The following PLEKHD1 variants were observed in gnomAD, a reference collection of about 807,000 sequenced individuals.
PLEKHD1 encodes pleckstrin homology domain-containing family D member 1.
Under a neutral mutation model 69.2 loss-of-function variants are expected in PLEKHD1, and 51 were observed. That is an observed-to-expected ratio of 0.74 (90% CI 0.59 to 0.93). The LOEUF (loss-of-function observed/expected upper bound fraction) is 0.93. Among genes scored for constraint, PLEKHD1 ranks in the 40% least tolerant of loss-of-function variants. The probability of loss-of-function intolerance (pLI) is 0.00; values close to 1 mark genes in which losing one functional copy is unlikely to be tolerated. For synonymous variants in PLEKHD1, 236 were observed against 244.7 expected, an observed-to-expected ratio of 0.96 and a Z score of 0.33; for missense variants, 584 against 641.0, an observed-to-expected ratio of 0.91 and a Z score of 0.96.
Position 69,524,152 on chromosome 14 carries a change from G to A in PLEKHD1, c.651-77G>A, listed in dbSNP as rs1230471955. 3.3e-6 allele frequency: 4 copies of A among 1,212,574 alleles called. No homozygotes were observed. In the African/African-American group the frequency reaches 4.5e-5, roughly 14 times the overall value. 75.1% of individuals were successfully genotyped at this position (1,212,574 alleles called of 1,614,324 possible). A position where few individuals can be genotyped will look rare whatever the true frequency, so the allele number is the denominator to read the frequency against. On this transcript the variant is annotated intron_variant, in intron 7 of 12. Transcript: ENST00000322564. ...AGCCCCATCAGGAAGTGAAGCAAAA[G>A]CATTTCTAAGTGCAGAGGTGATTGG...
rs1321540392 is a variant in PLEKHD1 at position 69,501,758 on chromosome 14, A to G, written c.435A>G (p.Gly145=). 1 of 1,551,396 alleles carries G rather than the reference A, an allele frequency of 6.4e-7. No individual in the cohort carries two copies. Among genetic ancestry groups the G allele is most frequent in the Non-Finnish European group, 8.7e-7 (1 of 1,146,884 alleles). The change falls in exon 5 of 13, where the codon GGA becomes GGG. Residue 145 remains glycine (G), a synonymous_variant. Coordinates refer to ENST00000322564, the MANE Select transcript of PLEKHD1 (RefSeq NM_001161498.2). ...GKVTWKNAQL[G]EAMIKSLEAQ... ...GGACCTGGAAGAATGCCCAGCTGGG[A>G]GAAGCCATGATCAAAAGCCTGGAGG...
At chr14:69,467,916 A>T in the PLEKHD1 span, among the ~76,000 whole-genome samples, 2 of 152,242 alleles carry the variant, frequency 1.3e-5, no homozygotes, top group Non-Finnish European at 2.9e-5. Context: ...TCATTTCTGA[A>T]CAGGAGTTAC....
intron 11 of PLEKHD1, 71 bp from the exon 12 acceptor site, chr14:69,527,712 T>C: frequency 6.6e-7 from 1 of 1,512,566 alleles, no homozygotes; most frequent in Non-Finnish European, 9.0e-7. Context: ...CCAGGATCCT[T>C]GGGAAGGGAG....
At chr14:69,504,733 T>G (rs1883113391) in intron 6 of PLEKHD1, among the ~76,000 whole-genome samples, 1 of 152,094 alleles carries the variant, frequency 6.6e-6, no homozygotes, top group African/African-American at 2.4e-5. Flanking sequence ...AGAATGGGGA[T>G]TTGTATTTGG....
In PLEKHD1 at chr14:69,484,741, G is replaced by A. The variant is rs1004427210; in HGVS notation, c.-225G>A. ...CACCCTCCCCGCGGAGTTCCCGCCC[G>A]GCCCTCTGCAATCCGGAGCCCAAGC... On this transcript the variant is annotated 5_prime_UTR_variant, in exon 1 of 13. Coordinates refer to ENST00000322564, the MANE Select transcript of PLEKHD1 (RefSeq NM_001161498.2). The A allele has an allele frequency of 8.3e-5, 41 of 493,196 alleles. No homozygotes were observed. The highest frequency in any genetic ancestry group is 1.3e-4 in the Non-Finnish European group (37 of 281,098). 30.6% of individuals were successfully genotyped at this position (493,196 alleles called of 1,614,324 possible).
chr14:69,503,109 G>C (rs552063513), intron 6 of PLEKHD1: 1 of 543,216 alleles, frequency 1.8e-6, no homozygotes, highest in Admixed American at 3.1e-5. Context: ...AAAAGGGTGG[G>C]TGATGACCTT....
intron 6 of PLEKHD1, among the ~76,000 whole-genome samples, chr14:69,503,955 G>A (rs1419790294): frequency 1.3e-5 from 2 of 151,982 alleles, no homozygotes; most frequent in Non-Finnish European, 2.9e-5. Flanking sequence ...GGCAGGGGGC[G>A]GTAGTGGGTA....
rs1882623918 is a variant in PLEKHD1, at chr14:69,485,070, G to A, written c.105G>A (p.Leu35=). 2.6e-6 allele frequency: 4 copies of A among 1,551,318 alleles called. No individual in the cohort carries two copies. The highest frequency in any genetic ancestry group is 3.5e-6 in the Non-Finnish European group (4 of 1,146,874). The change falls in exon 1 of 13, where the codon CTG becomes CTA. Residue 35 remains leucine, a synonymous_variant. Transcript: ENST00000322564. Reference sequence around the variant, plus strand: ...CCAAAGTGCAGCTCTACGGCGTGCTGTGGAAGAGGCCTTTCGGCAGGCCGT... The same window carrying A: ...CCAAAGTGCAGCTCTACGGCGTGCTATGGAAGAGGCCTTTCGGCAGGCCGT... ...ISTKVQLYGV[L]WKRPFGRPSA... is the part of the protein sequence containing the mutation.
At chr14:69,502,737 C>G (rs1883057975) in intron 5 of PLEKHD1, 90 bp from the exon 6 acceptor site, 1 of 1,509,190 alleles carries the variant, frequency 6.6e-7, no homozygotes. Flanking sequence ...CTGGGGGTGA[C>G]AGCGACCACC....
chr14:69,493,577 G>T (rs1407555829), intron 1 of PLEKHD1, among the ~76,000 whole-genome samples: 1 of 152,204 alleles, frequency 6.6e-6, no homozygotes, highest in Non-Finnish European at 1.5e-5. Flanking sequence ...GTTGTTATGA[G>T]AAATTTAAAT....
At chr14:69,471,023 C>T in the PLEKHD1 span, among the ~76,000 whole-genome samples, 17 of 150,122 alleles carry the variant, frequency 1.1e-4, no homozygotes, top group South Asian at 1.5e-3. Flanking sequence ...GATCTCCTGA[C>T]CTTGTGATCT....
At chr14:69,526,553 G>A in intron 9 of PLEKHD1, 144 bp from the exon 10 acceptor site, 1 of 950,474 alleles carries the variant, frequency 1.1e-6, no homozygotes, top group Non-Finnish European at 1.5e-6. Flanking sequence ...CATCCCCTGG[G>A]TGCCTGGACC....
the PLEKHD1 span, among the ~76,000 whole-genome samples, chr14:69,474,541 A>G: frequency 6.6e-6 from 1 of 152,190 alleles, no homozygotes; most frequent in African/African-American, 2.4e-5. Flanking sequence ...GGTCAAACCA[A>G]CGTATAGCCT....
intron 8 of PLEKHD1, 117 bp from the exon 9 acceptor site, chr14:69,525,827 G>T: frequency 1.1e-6 from 1 of 942,066 alleles, no homozygotes; most frequent in Non-Finnish European, 1.6e-6. Context: ...ACATTTCAGC[G>T]GCCATAGAGG....
chr14:69,489,951 C>T (rs1882739540), intron 1 of PLEKHD1, among the ~76,000 whole-genome samples: 1 of 152,220 alleles, frequency 6.6e-6, no homozygotes, highest in African/African-American at 2.4e-5. Context: ...ACTGCAACCT[C>T]TGCCTCCCAG....
rs534313880 is a variant in PLEKHD1 at position 69,518,120 on chromosome 14, C to T, written c.556-4163C>T. Among the ~76,000 whole-genome samples the T allele has an allele frequency of 2.4e-3, 360 of 152,194 alleles. 1 individual carries two copies. The highest frequency in any genetic ancestry group is 8.3e-3 in the African/African-American group (345 of 41,516). ...GATCTCGGCTCACTGCAACCTCTGT[C>T]CCCCAGACTCAAGGGATCCTCCTGC... is the stretch of plus-strand genomic sequence containing the variant. On this transcript the variant is annotated intron_variant, in intron 6 of 12. Transcript: ENST00000322564.
At chr14:69,506,049 G>A (rs1008757596) in intron 6 of PLEKHD1, among the ~76,000 whole-genome samples, 3 of 152,220 alleles carry the variant, frequency 2.0e-5, no homozygotes, top group African/African-American at 7.2e-5. Flanking sequence ...GCCACCTGGA[G>A]TGCTCACAGT....
chr14:69,502,614 C>T, intron 5 of PLEKHD1: 1 of 592,486 alleles, frequency 1.7e-6, no homozygotes, highest in African/African-American at 1.9e-5. Flanking sequence ...CCTCATAACC[C>T]TAGGAAAAGA....
Position 69,528,406 on chromosome 14 carries a change from G to T in PLEKHD1, c.1508G>T (p.Arg503Leu). ...TQPGAPSALSRGGK is the reference protein window; with the variant it reads ...TQPGAPSALSLGGK Reference sequence around the variant, plus strand: ...CCTGGAGCCCCCTCGGCACTCTCCCGGGGTGGAAAGTGATGGGCGCTCCTC... The same window carrying T: ...CCTGGAGCCCCCTCGGCACTCTCCCTGGGTGGAAAGTGATGGGCGCTCCTC... Residue 503 changes from arginine (R) to leucine (L), a missense_variant, in exon 13 of 13, where the codon CGG becomes CTG. Arg to Leu is a moderately radical substitution (Grantham distance 102). Transcript: ENST00000322564. 1 of 1,550,842 alleles carries T rather than the reference G, an allele frequency of 6.4e-7. No homozygotes were observed. Among genetic ancestry groups the T allele is most frequent in the Non-Finnish European group, 8.7e-7 (1 of 1,146,926 alleles).
Sources: allele counts gnomAD v4.1 joint callset (sites outside exome capture counted in the v4.1 genomes callset), GRCh38; gene constraint gnomAD v4.1.1; transcripts MANE v1.5; gene names NCBI Gene and HGNC (gene_info 2026-07-23, HGNC 2026-07-21).